Variants in LTBP1 observed in about 807,000 individuals in gnomAD.
The protein encoded by LTBP1 is latent transforming growth factor beta binding protein 1.
Under a neutral mutation model 207.6 loss-of-function variants are expected in LTBP1, and 129 were observed. The ratio of observed to expected loss-of-function variants is 0.62; its 90% CI spans 0.54 to 0.72. LTBP1 has a LOEUF of 0.72. Among genes scored for constraint, LTBP1 ranks in the 30% least tolerant of loss-of-function variants. The pLI, the probability that LTBP1 is intolerant of heterozygous loss-of-function variation, is 0.00. For synonymous variants in LTBP1, 963 were observed against 833.7 expected (o/e 1.16, Z -2.67); for missense variants, 2,281 against 2,217.2 (o/e 1.03, Z -0.58).
At chr2:32,963,612 T>G (rs1341442688) in intron 2 of LTBP1, among the ~76,000 whole-genome samples, 1 of 152,186 alleles carries the variant, frequency 6.6e-6, no homozygotes, top group African/African-American at 2.4e-5. Context: ...GTTTTGTACC[T>G]TTAGGTCTTC....
At chr2:33,002,957 C>A (rs775633024) in intron 2 of LTBP1, among the ~76,000 whole-genome samples, 5 of 152,170 alleles carry the variant, frequency 3.3e-5, no homozygotes, top group Non-Finnish European at 7.3e-5. Flanking sequence ...GGATTACAGG[C>A]GTAAGCGACC....
intron 24 of LTBP1, among the ~76,000 whole-genome samples, chr2:33,324,699 C>CTTTTTTTTT (rs35517435): frequency 1.6e-5 from 2 of 123,376 alleles, no homozygotes; most frequent in African/African-American, 6.5e-5. Context: ...TGTATTCTAT[C>CTTTTTTTTT]TTTTTTTTTT....
chr2:33,021,093 G>T lies in LTBP1; in HGVS notation c.750G>T (p.Lys250Asn). 6.2e-7 allele frequency: 1 copy of T among 1,614,116 alleles called. No homozygotes were observed. Among genetic ancestry groups the T allele is most frequent in the Non-Finnish European group, 8.5e-7 (1 of 1,180,012 alleles). Reference protein sequence around the residue: ...SSWGPPEQAAKHTSSKKADTL... With the variant: ...SSWGPPEQAANHTSSKKADTL... Reference sequence around the variant, plus strand: ...GGGGCCCTCCTGAGCAAGCAGCAAAGCATACTTCATCTAAGAAGGCAGACA... The same window carrying T: ...GGGGCCCTCCTGAGCAAGCAGCAAATCATACTTCATCTAAGAAGGCAGACA... The change falls in exon 3 of 34, where the codon AAG becomes AAT. Residue 250 changes from lysine to asparagine, a missense_variant. Lys to Asn is a moderately conservative substitution (Grantham distance 94, BLOSUM62 0). This residue lies in a region of LTBP1 where 555 missense variants were observed against 491.0 expected (regional missense o/e 1.13). Coordinates refer to ENST00000404816, the MANE Select transcript of LTBP1 (RefSeq NM_206943.4).
chr2:32,963,910 C>T (rs906560041), intron 2 of LTBP1, among the ~76,000 whole-genome samples: 18 of 151,996 alleles, frequency 1.2e-4, no homozygotes, highest in African/African-American at 3.9e-4. Context: ...ATATCAAAAG[C>T]GAAGAATGAT....
At chr2:33,071,104 T>C (rs967483213) in intron 3 of LTBP1, among the ~76,000 whole-genome samples, 1 of 152,190 alleles carries the variant, frequency 6.6e-6, no homozygotes, top group East Asian at 1.9e-4. Flanking sequence ...CAGAGTTCTT[T>C]ATGGCCAGGG....
chr2:33,287,050 G>C (rs531415170), intron 19 of LTBP1, among the ~76,000 whole-genome samples: 1 of 152,148 alleles, frequency 6.6e-6, no homozygotes, highest in Non-Finnish European at 1.5e-5. Context: ...CCTGCACGTT[G>C]TGCACATGTA....
intron 4 of LTBP1, among the ~76,000 whole-genome samples, chr2:33,132,854 A>G (rs2081897223): frequency 6.6e-6 from 1 of 152,222 alleles, no homozygotes; most frequent in African/African-American, 2.4e-5. Flanking sequence ...ATTAAGTGGC[A>G]TTTATCTCAA....
chr2:33,254,754 C>T (rs1212653846), intron 11 of LTBP1, among the ~76,000 whole-genome samples: 2 of 130,954 alleles, frequency 1.5e-5, no homozygotes, highest in African/African-American at 6.6e-5. Context: ...CGCCTCCCCC[C>T]ACCCCACAAC....
chr2:33,063,537 A>G (rs997321099), intron 3 of LTBP1, among the ~76,000 whole-genome samples: 21 of 152,274 alleles, frequency 1.4e-4, no homozygotes, highest in African/African-American at 4.6e-4. Flanking sequence ...GGGCTTGTTA[A>G]TTTTAAATGA....
At chr2:33,043,319 T>TC (rs1396081694) in intron 3 of LTBP1, among the ~76,000 whole-genome samples, 2 of 152,190 alleles carry the variant, frequency 1.3e-5, no homozygotes, top group African/African-American at 4.8e-5. Context: ...TCAAGAATTT[T>TC]TTTTTTTTAC....
At chr2:33,276,418 T>C (rs2093427625) in intron 18 of LTBP1, among the ~76,000 whole-genome samples, 1 of 152,230 alleles carries the variant, frequency 6.6e-6, no homozygotes, top group African/African-American at 2.4e-5. Flanking sequence ...TAATAAAATT[T>C]CCTCATTATT....
intron 24 of LTBP1, among the ~76,000 whole-genome samples, chr2:33,341,112 T>C (rs867341593): frequency 2.2e-4 from 33 of 152,096 alleles, no homozygotes; most frequent in African/African-American, 7.2e-4. Context: ...GCGTGACTGT[T>C]AAGTCCAGGG....
intron 24 of LTBP1, among the ~76,000 whole-genome samples, chr2:33,319,793 G>A (rs1223058585): frequency 6.6e-6 from 1 of 152,184 alleles, no homozygotes; most frequent in South Asian, 2.1e-4. Context: ...GCCACACAGA[G>A]GGAGCACCAG....
chr2:33,045,173 C>T (rs989098988), intron 3 of LTBP1, among the ~76,000 whole-genome samples: 2 of 152,150 alleles, frequency 1.3e-5, no homozygotes, highest in African/African-American at 4.8e-5. Context: ...GTGTTTTAGT[C>T]ACGAAGTCTT....
chr2:33,340,330 C>T (rs1192058916), intron 24 of LTBP1, among the ~76,000 whole-genome samples: 1 of 151,144 alleles, frequency 6.6e-6, no homozygotes, highest in Non-Finnish European at 1.5e-5. Flanking sequence ...GGATTTATCC[C>T]AAGGAGCATG....
rs140868612 is a variant in LTBP1 at position 33,328,280 on chromosome 2, C to T, written c.3730+13011C>T. Among the ~76,000 whole-genome samples, 136 of 152,206 alleles carry T rather than the reference C, an allele frequency of 8.9e-4. 2 individuals carry two copies. The East Asian group carries it at 0.026, about 29-fold the overall frequency. ...GCCCCCTGAACCTCCCTCAAACTTCCTCGTGATTATTCCCCACCCTCATAT... is the reference window on the plus strand; with the variant it reads ...GCCCCCTGAACCTCCCTCAAACTTCTTCGTGATTATTCCCCACCCTCATAT... On this transcript the variant is annotated intron_variant, in intron 24 of 33. Transcript: ENST00000404816.
At chr2:33,343,114 C>T (rs1573933875) in intron 25 of LTBP1, 151 bp downstream of exon 25, 2 of 982,662 alleles carry the variant, frequency 2.0e-6, no homozygotes, top group Non-Finnish European at 2.9e-6. Context: ...CAAAAATATC[C>T]TATGTTGGCT....
chr2:33,011,106 AC>A (rs1420009274), intron 2 of LTBP1, among the ~76,000 whole-genome samples: 4 of 152,166 alleles, frequency 2.6e-5, no homozygotes, highest in Non-Finnish European at 4.4e-5. Flanking sequence ...ATATTTGCAT[AC>A]AAAATTCCCT....
At chr2:33,337,509 C>A (rs2094566818) in intron 24 of LTBP1, among the ~76,000 whole-genome samples, 1 of 152,184 alleles carries the variant, frequency 6.6e-6, no homozygotes, top group Non-Finnish European at 1.5e-5. Flanking sequence ...GACTTTATTT[C>A]CATTGAAATA....
Sources: allele counts gnomAD v4.1 joint callset (sites outside exome capture counted in the v4.1 genomes callset), GRCh38; gene constraint gnomAD v4.1.1; regional missense constraint gnomAD v4.1.1; transcripts MANE v1.5; gene names NCBI Gene and HGNC (gene_info 2026-07-23, HGNC 2026-07-21).